BUB1B: variants seen among roughly 807,000 people sequenced by gnomAD.
BUB1B encodes the protein BUB1 mitotic checkpoint serine/threonine kinase B, also known as mitotic checkpoint serine/threonine-protein kinase BUB1 beta.
BUB1B carries 86 observed loss-of-function variants against 137.7 expected under a neutral mutation model. The ratio of observed to expected loss-of-function variants is 0.62; its 90% CI spans 0.52 to 0.75. The LOEUF (loss-of-function observed/expected upper bound fraction) is 0.75, where lower values mean the gene tolerates loss of function less well. Among genes scored for constraint, BUB1B ranks in the 30% least tolerant of loss-of-function variants. The pLI is 0.00. For missense variants in BUB1B, 1,130 were observed against 1,236.9 expected (o/e 0.91, Z 1.30); for synonymous variants, 420 against 417.9 (o/e 1.00, Z -0.06).
At chr15:40,219,132 G>T (rs548628197) in intron 22 of BUB1B, among the ~76,000 whole-genome samples, 1 of 151,938 alleles carries the variant, frequency 6.6e-6, no homozygotes, top group African/African-American at 2.4e-5. Flanking sequence ...GGCTGATCTC[G>T]AACTCCTGAC....
At chr15:40,195,036 A>C (rs1292248354) in intron 8 of BUB1B, among the ~76,000 whole-genome samples, 2 of 152,134 alleles carry the variant, frequency 1.3e-5, no homozygotes, top group African/African-American at 4.8e-5. Context: ...GTTTGGTTAC[A>C]CAAATAAGTT....
chr15:40,179,330 G>A (rs1217410615), intron 5 of BUB1B, among the ~76,000 whole-genome samples: 2 of 152,052 alleles, frequency 1.3e-5, no homozygotes, highest in East Asian at 3.9e-4. Context: ...GAACATTTAG[G>A]TTGTTTGCAC....
rs567469163 is a variant in BUB1B, at chr15:40,174,791, C to T, written c.385-1686C>T. Among the ~76,000 whole-genome samples, 5 of 152,246 alleles carry T rather than the reference C, an allele frequency of 3.3e-5. No homozygotes were observed. The South Asian group carries it at 6.2e-4, about 19-fold the overall frequency. On this transcript the variant is annotated intron_variant, in intron 4 of 22. Coordinates refer to ENST00000287598, the MANE Select transcript of BUB1B (RefSeq NM_001211.6). ...CCATCCTGGCCAATATGGTGAAACC[C>T]CATCTCTACTAAAAATACAAAAATT...
intron 8 of BUB1B, among the ~76,000 whole-genome samples, chr15:40,194,881 T>C (rs1441331972): frequency 1.3e-5 from 2 of 152,214 alleles, no homozygotes; most frequent in African/African-American, 2.4e-5. Context: ...GGTATTAAGA[T>C]TTGCTTTCAC....
chr15:40,206,860 A>G (rs1337970387), intron 15 of BUB1B, among the ~76,000 whole-genome samples: 2 of 152,152 alleles, frequency 1.3e-5, no homozygotes, highest in African/African-American at 2.4e-5. Context: ...CCCAGGCTGG[A>G]GTGCAGTGGC....
intron 17 of BUB1B, 31 bp from the exon 18 acceptor site, chr15:40,210,079 A>G: frequency 2.6e-6 from 4 of 1,542,322 alleles, no homozygotes; most frequent in Non-Finnish European, 3.6e-6. Flanking sequence ...GTTCACAGTG[A>G]TTTTTAAATG....
intron 8 of BUB1B, among the ~76,000 whole-genome samples, chr15:40,195,378 A>G (rs565058301): frequency 6.6e-6 from 1 of 152,158 alleles, no homozygotes; most frequent in African/African-American, 2.4e-5. Flanking sequence ...TTATCCATGC[A>G]TTGATTGATG....
In BUB1B at chr15:40,185,598, C is replaced by T. The variant is rs751442943; in HGVS notation, c.1014C>T (p.Pro338=). The T allele has an allele frequency of 1.9e-6, 3 of 1,614,180 alleles. No individual in the cohort carries two copies. In the Admixed American group the frequency reaches 5.0e-5, roughly 27 times the overall value. ...ASLIAVPAVL[P]SFTPYVEETA... ...TGATAGCTGTACCCGCTGTGCTTCC[C>T]AGTTTCACTCCATATGTGGAAGAGA... Residue 338 remains proline (P), a synonymous_variant, in exon 8 of 23, where the codon CCC becomes CCT. Transcript: ENST00000287598.
At position 40,176,552 on chromosome 15, in the gene BUB1B, T is replaced by C; in HGVS notation, c.460T>C (p.Phe154Leu). The C allele has an allele frequency of 6.2e-7, 1 of 1,614,158 alleles. No individual in the cohort carries two copies. Among genetic ancestry groups the C allele is most frequent in the East Asian group, 2.2e-5 (1 of 44,866 alleles). The change falls in exon 5 of 23, where the codon TTC becomes CTC. Residue 154 changes from phenylalanine (F) to leucine (L), a missense_variant. By Grantham distance (22) the Phe-to-Leu change is conservative. Coordinates refer to ENST00000287598, the MANE Select transcript of BUB1B (RefSeq NM_001211.6). Reference sequence around the variant, plus strand: ...AGGGATTGGTGTTTCACTTGCTCAGTTCTATATCTCATGGGCAGAAGAATA... The same window carrying C: ...AGGGATTGGTGTTTCACTTGCTCAGCTCTATATCTCATGGGCAGAAGAATA... ...NQGIGVSLAQ[F>L]YISWAEEYEA...
intron 16 of BUB1B, 116 bp from the exon 17 acceptor site, chr15:40,209,519 T>C: frequency 8.2e-7 from 1 of 1,223,588 alleles, no homozygotes. Context: ...GTAGTTAAAT[T>C]AACAGTGCTG....
chr15:40,209,625 C>A lies in BUB1B; in HGVS notation c.2144-10C>A. 1 of 1,614,012 alleles carries A rather than the reference C, an allele frequency of 6.2e-7. No homozygotes were observed. Among genetic ancestry groups the A allele is most frequent in the Non-Finnish European group, 8.5e-7 (1 of 1,179,972 alleles). On this transcript the variant is annotated splice_polypyrimidine_tract_variant and intron_variant, in intron 16 of 22. Coordinates refer to ENST00000287598, the MANE Select transcript of BUB1B (RefSeq NM_001211.6). ...GGTGATATATTTTCACCTTTCCCTCCCACTGGCAGAAAACCCTACTCAGTC... is the reference window on the plus strand; with the variant it reads ...GGTGATATATTTTCACCTTTCCCTCACACTGGCAGAAAACCCTACTCAGTC...
At chr15:40,164,972 CT>C in intron 1 of BUB1B, 80 bp from the exon 2 acceptor site, 4 of 1,566,980 alleles carry the variant, frequency 2.6e-6, no homozygotes, top group Non-Finnish European at 3.5e-6. Flanking sequence ...GAATAATCAC[CT>C]TTCGGAAGAC....
chr15:40,212,840 G>T (rs767901038), intron 19 of BUB1B, among the ~76,000 whole-genome samples, 192 bp downstream of exon 19: 1 of 151,728 alleles, frequency 6.6e-6, no homozygotes, highest in Non-Finnish European at 1.5e-5. Context: ...ACTTTTTTTG[G>T]TCCGTTGTCA....
At chr15:40,165,771 A>T (rs986421186) in intron 2 of BUB1B, among the ~76,000 whole-genome samples, 16 of 152,362 alleles carry the variant, frequency 1.1e-4, no homozygotes, top group African/African-American at 3.8e-4. Context: ...AATCTCTGAC[A>T]AAAAGAAATA....
intron 8 of BUB1B, among the ~76,000 whole-genome samples, chr15:40,187,844 G>A (rs1019149916): frequency 6.6e-6 from 1 of 152,140 alleles, no homozygotes; most frequent in African/African-American, 2.4e-5. Context: ...TGTGGCTACG[G>A]TGAGCTGTGA....
chr15:40,206,047 A>G, intron 14 of BUB1B, 137 bp from the exon 15 acceptor site: 3 of 862,400 alleles, frequency 3.5e-6, no homozygotes, highest in South Asian at 3.2e-5. Flanking sequence ...TGATATAAAA[A>G]CCTTTTTATA....
At chr15:40,171,879 T>C (rs1322482031) in intron 4 of BUB1B, among the ~76,000 whole-genome samples, 1 of 152,142 alleles carries the variant, frequency 6.6e-6, no homozygotes, top group Admixed American at 6.5e-5. Flanking sequence ...ATTAAAAAAA[T>C]GACCACCGTT....
chr15:40,186,176 A>G lies in BUB1B; in HGVS notation c.1058+534A>G, dbSNP rs1443796963. ...GGAGAGGCTTCAGCAGTAGAGTTAGAAGATTTGTCTGATGGGATAATGGGG... is the reference window on the plus strand; with the variant it reads ...GGAGAGGCTTCAGCAGTAGAGTTAGGAGATTTGTCTGATGGGATAATGGGG... On this transcript the variant is annotated intron_variant, in intron 8 of 22. Transcript: ENST00000287598. Among the ~76,000 whole-genome samples, 7 of 152,268 alleles carry G rather than the reference A, an allele frequency of 4.6e-5. No homozygotes were observed. In the East Asian group the frequency reaches 1.3e-3, roughly 29 times the overall value.
intron 6 of BUB1B, 127 bp downstream of exon 6, chr15:40,184,010 A>G (rs1188867238): frequency 1.0e-6 from 1 of 975,864 alleles, no homozygotes; most frequent in Non-Finnish European, 1.6e-6. Context: ...AAAAAGAAGG[A>G]AGTCAAAGGA....
Sources: gnomAD v4.1 joint callset for allele counts (sites outside exome capture counted in the v4.1 genomes callset) on GRCh38, gnomAD v4.1.1 for gene constraint, MANE v1.5 for transcripts, NCBI Gene and HGNC (gene_info 2026-07-23, HGNC 2026-07-21) for gene names.